The following PPP4R4 variants were observed in gnomAD, a reference collection of about 807,000 sequenced individuals.
PPP4R4 encodes the protein protein phosphatase 4 regulatory subunit 4.
Under a neutral mutation model 121.8 loss-of-function variants are expected in PPP4R4, and 70 were observed. The ratio of observed to expected loss-of-function variants is 0.57; its 90% CI spans 0.47 to 0.70. The LOEUF is 0.70. Among genes scored for constraint, PPP4R4 ranks in the 30% least tolerant of loss-of-function variants. The pLI is 0.00. For missense variants in PPP4R4, 875 were observed against 1,033.6 expected (o/e 0.85, Z 2.10); for synonymous variants, 348 against 355.7 (o/e 0.98, Z 0.24).
intron 3 of PPP4R4, among the ~76,000 whole-genome samples, chr14:94,217,499 C>T (rs1409263669): frequency 2.0e-5 from 3 of 152,130 alleles, no homozygotes; most frequent in Admixed American, 1.3e-4. Flanking sequence ...TCAAAAATTT[C>T]TGGGCACACA....
chr14:94,265,346 C>G, intron 20 of PPP4R4, 41 bp from the exon 21 acceptor site: 1 of 1,419,102 alleles, frequency 7.0e-7, no homozygotes. Context: ...TTAATAAGGA[C>G]TTAGAGGAAA....
At chr14:94,181,135 G>A (rs528962036) in intron 2 of PPP4R4, among the ~76,000 whole-genome samples, 11 of 152,202 alleles carry the variant, frequency 7.2e-5, no homozygotes, top group African/African-American at 2.2e-4. Context: ...TATGACGTGT[G>A]TCCCCACATT....
chr14:94,246,282 T>G, intron 13 of PPP4R4, 75 bp from the exon 14 acceptor site: 2 of 1,258,918 alleles, frequency 1.6e-6, no homozygotes, highest in Non-Finnish European at 2.2e-6. Context: ...TTCCCCAATG[T>G]GTTATAAGAC....
rs75209699 is a variant in PPP4R4, at chr14:94,255,137, C to T, written c.1866-1323C>T. Among the ~76,000 whole-genome samples, 1,222 of 152,320 alleles carry T rather than the reference C, an allele frequency of 8.0e-3. 16 individuals carry two copies. The highest frequency in any genetic ancestry group is 0.028 in the African/African-American group (1,152 of 41,566). ...ATCTGATAGAAATCTCAGACTTAAT[C>T]TGTCCAGAATTAAATCTTCATCTTT... On this transcript the variant is annotated intron_variant, in intron 16 of 24. Coordinates refer to ENST00000304338, the MANE Select transcript of PPP4R4 (RefSeq NM_058237.2).
intron 1 of PPP4R4, 76 bp downstream of exon 1, chr14:94,174,658 C>T: frequency 1.9e-6 from 3 of 1,556,328 alleles, no homozygotes; most frequent in East Asian, 4.7e-5. Context: ...GATCTCTGCC[C>T]CACGCCACCA....
At chr14:94,176,156 T>C in intron 2 of PPP4R4, 29 bp downstream of exon 2, 1 of 1,541,296 alleles carries the variant, frequency 6.5e-7, no homozygotes, top group Non-Finnish European at 9.0e-7. Context: ...GTGAAATTGC[T>C]CTTCTTTTTT....
At chr14:94,267,173 C>G (rs752033837) in intron 23 of PPP4R4, 144 bp downstream of exon 23, 4 of 557,746 alleles carry the variant, frequency 7.2e-6, no homozygotes, top group Non-Finnish European at 1.2e-5. Flanking sequence ...AAACTTTTGT[C>G]TAGCAATTGA....
intron 1 of PPP4R4, chr14:94,175,448 G>C (rs955151778): frequency 2.0e-5 from 3 of 152,352 alleles, no homozygotes; most frequent in Non-Finnish European, 4.4e-5. Flanking sequence ...TCCTCCCGGC[G>C]GCTCCAACCT....
chr14:94,175,986 C>T (rs1888660196), intron 1 of PPP4R4, 68 bp from the exon 2 acceptor site: 1 of 1,217,310 alleles, frequency 8.2e-7, no homozygotes, highest in East Asian at 2.3e-5. Flanking sequence ...TAGAGGGTCA[C>T]TGGGAGGTTG....
chr14:94,220,041 G>A (rs1304428469), intron 3 of PPP4R4, among the ~76,000 whole-genome samples: 1 of 152,156 alleles, frequency 6.6e-6, no homozygotes, highest in African/African-American at 2.4e-5. Flanking sequence ...GGCCAACATG[G>A]TGAAACCCCA....
In PPP4R4 at chr14:94,250,240, A is replaced by C. The variant is rs1267402531; in HGVS notation, c.1680A>C (p.Gln560His). 6.2e-7 allele frequency: 1 copy of C among 1,611,580 alleles called. No individual in the cohort carries two copies. The highest frequency in any genetic ancestry group is 2.2e-5 in the East Asian group (1 of 44,830). The change falls in exon 15 of 25, where the codon CAA becomes CAC. Residue 560 changes from glutamine (Q) to histidine (H), a missense_variant. By Grantham distance (24) the Gln-to-His change is conservative. Coordinates refer to ENST00000304338, the MANE Select transcript of PPP4R4 (RefSeq NM_058237.2). Reference sequence around the variant, plus strand: ...TTTTTCTGCGTTATAATCGTAAACAAGAACAGAGACATGAGGTCATTCAAA... The same window carrying C: ...TTTTTCTGCGTTATAATCGTAAACACGAACAGAGACATGAGGTCATTCAAA... ...LCIFLRYNRKQEQRHEVIQKL... is the reference protein window; with the variant it reads ...LCIFLRYNRKHEQRHEVIQKL...
chr14:94,245,506 C>A, intron 12 of PPP4R4, 81 bp from the exon 13 acceptor site: 1 of 675,520 alleles, frequency 1.5e-6, no homozygotes, highest in Non-Finnish European at 2.3e-6. Flanking sequence ...ACCACTACTA[C>A]TATATAGAAA....
intron 2 of PPP4R4, among the ~76,000 whole-genome samples, chr14:94,201,662 G>A: frequency 6.6e-6 from 1 of 152,114 alleles, no homozygotes; most frequent in Middle Eastern, 3.2e-3. Flanking sequence ...GTGACCGTTT[G>A]CATGGAATAT....
At chr14:94,268,805 C>A (rs12434917) in intron 23 of PPP4R4, among the ~76,000 whole-genome samples, 1 of 152,016 alleles carries the variant, frequency 6.6e-6, no homozygotes, top group African/African-American at 2.4e-5. Context: ...GGGAAAAATT[C>A]GCCCCCATGA....
At chr14:94,265,125 A>T (rs1226208364) in intron 20 of PPP4R4, among the ~76,000 whole-genome samples, 178 bp downstream of exon 20, 2 of 152,238 alleles carry the variant, frequency 1.3e-5, no homozygotes. Flanking sequence ...TTAAGAGTAC[A>T]TGAATGAAAG....
In PPP4R4 at chr14:94,265,859, AAAT is replaced by A. The variant is rs575825077; in HGVS notation, c.2352_2354del (p.Lys784_Tyr785delinsAsn). The A allele has an allele frequency of 3.1e-6, 5 of 1,605,568 alleles. No individual in the cohort carries two copies. In the South Asian group the frequency reaches 5.5e-5, roughly 18 times the overall value. On this transcript the variant is annotated inframe_deletion, in exon 22 of 25. Transcript: ENST00000304338. ...TTTTAATAATCAAGCTTTTCATGCA[AAAT>A]ATGGCAACTTAGAGAAATGTGCTAG...
chr14:94,175,906 ATCCT>A, intron 1 of PPP4R4, 144 bp from the exon 2 acceptor site: 1 of 658,890 alleles, frequency 1.5e-6, no homozygotes, highest in Non-Finnish European at 2.7e-6. Flanking sequence ...GTCGCCTGGT[ATCCT>A]CAGCTCCTTG....
intron 5 of PPP4R4, among the ~76,000 whole-genome samples, chr14:94,231,678 CT>C (rs1275052860): frequency 4.6e-5 from 7 of 152,050 alleles, no homozygotes; most frequent in Non-Finnish European, 8.8e-5. Context: ...GAATATTTTA[CT>C]TGTGAAACAT....
chr14:94,228,649 C>T (rs982900847), intron 3 of PPP4R4, among the ~76,000 whole-genome samples: 2 of 152,078 alleles, frequency 1.3e-5, no homozygotes, highest in African/African-American at 4.8e-5. Flanking sequence ...CTCTTGAAGC[C>T]ACTTTTTGGG....
Sources: gnomAD v4.1 joint callset for allele counts (sites outside exome capture counted in the v4.1 genomes callset) on GRCh38, gnomAD v4.1.1 for gene constraint, MANE v1.5 for transcripts, NCBI Gene and HGNC (gene_info 2026-07-23, HGNC 2026-07-21) for gene names.